ZFPM2: variants seen among roughly 807,000 people sequenced by gnomAD.
ZFPM2 encodes the protein zinc finger protein ZFPM2.
A neutral mutation model predicts 98.6 loss-of-function variants in ZFPM2; 20 were observed. That is an observed-to-expected ratio of 0.20 (90% confidence interval 0.14 to 0.29). The LOEUF (loss-of-function observed/expected upper bound fraction) is 0.29, where lower values mean the gene tolerates loss of function less well. Among genes scored for constraint, ZFPM2 ranks in the 10% least tolerant of loss-of-function variants. The probability of loss-of-function intolerance (pLI) is 1.00; values close to 1 mark genes in which losing one functional copy is unlikely to be tolerated. For synonymous variants in ZFPM2, 518 were observed against 502.7 expected (o/e 1.03, Z -0.41); for missense variants, 1,310 against 1,388.6 (o/e 0.94, Z 0.90).
chr8:105,678,617 A>G (rs1390405391), intron 5 of ZFPM2: 1 of 152,170 alleles, frequency 6.6e-6, no homozygotes, highest in East Asian at 1.9e-4. Context: ...CTGTGTACTA[A>G]GTCTGATAAC....
intron 4 of ZFPM2, among the ~76,000 whole-genome samples, chr8:105,585,835 T>C (rs1282444943): frequency 1.3e-5 from 2 of 152,020 alleles, no homozygotes; most frequent in Non-Finnish European, 2.9e-5. Context: ...AGACTCTGTC[T>C]GTAAAAGAAA....
rs533983186 is a variant in ZFPM2 at position 105,444,283 on chromosome 8, A to G, written c.203A>G (p.Asp68Gly). 2 of 1,609,310 alleles carry G rather than the reference A, an allele frequency of 1.2e-6. No homozygotes were observed. Among genetic ancestry groups the G allele is most frequent in the South Asian group, 2.2e-5 (2 of 89,774 alleles). Residue 68 changes from aspartate to glycine, a missense_variant, in exon 3 of 8, where the codon GAT becomes GGT. Asp to Gly is a moderately conservative substitution (Grantham distance 94, BLOSUM62 -1). Coordinates refer to ENST00000407775, the MANE Select transcript of ZFPM2 (RefSeq NM_012082.4). ...EEVEYFCNKG[D>G]DEGIQETAES... ...TCCTTGTGTTGGTGTTTTCCAGGTGATGATGAAGGAATCCAGGAGACAGCA... is the reference window on the plus strand; with the variant it reads ...TCCTTGTGTTGGTGTTTTCCAGGTGGTGATGAAGGAATCCAGGAGACAGCA...
At chr8:105,659,465 A>G (rs1166424428) in intron 5 of ZFPM2, among the ~76,000 whole-genome samples, 1 of 152,234 alleles carries the variant, frequency 6.6e-6, no homozygotes, top group African/African-American at 2.4e-5. Flanking sequence ...CAAAGCGTCC[A>G]CTGATATTAG....
At chr8:105,640,131 A>G (rs1343633439) in intron 5 of ZFPM2, among the ~76,000 whole-genome samples, 2 of 152,038 alleles carry the variant, frequency 1.3e-5, no homozygotes, top group African/African-American at 2.4e-5. Flanking sequence ...GAATAAATTT[A>G]GGTTTCGATG....
At chr8:105,488,400 A>G (rs1310774175) in intron 3 of ZFPM2, among the ~76,000 whole-genome samples, 1 of 152,158 alleles carries the variant, frequency 6.6e-6, no homozygotes, top group East Asian at 1.9e-4. Flanking sequence ...TAGTGGAAGT[A>G]AATAGTTTCT....
chr8:105,582,335 G>T (rs549610816), intron 4 of ZFPM2, among the ~76,000 whole-genome samples: 1 of 152,248 alleles, frequency 6.6e-6, no homozygotes, highest in Non-Finnish European at 1.5e-5. Context: ...CTTAACTAGG[G>T]CCAGTTTTGT....
chr8:105,610,674 C>T (rs894800040), intron 4 of ZFPM2, among the ~76,000 whole-genome samples: 2 of 152,024 alleles, frequency 1.3e-5, no homozygotes, highest in African/African-American at 2.4e-5. Context: ...GTTTGAAAAG[C>T]ATTTATTTTC....
chr8:105,682,207 C>T (rs1298698274), intron 5 of ZFPM2, among the ~76,000 whole-genome samples: 2 of 152,052 alleles, frequency 1.3e-5, no homozygotes, highest in Non-Finnish European at 2.9e-5. Flanking sequence ...AAACACAAAG[C>T]CAGGAAGGGA....
In ZFPM2 at chr8:105,521,706, T is replaced by C. The variant is rs1814065866; in HGVS notation, c.302-39657T>C. On this transcript the variant is annotated intron_variant, in intron 3 of 7. Coordinates refer to ENST00000407775, the MANE Select transcript of ZFPM2 (RefSeq NM_012082.4). ...GATTCTCCTGCCTCAGCCTCCCGAC[T>C]AGCTGGGATTATAGGCATGTGCCAC... 3.9e-5 allele frequency among the ~76,000 whole-genome samples: 6 copies of C among 152,132 alleles called. No homozygotes were observed. In the South Asian group the frequency reaches 8.3e-4, roughly 21 times the overall value.
intron 1 of ZFPM2, among the ~76,000 whole-genome samples, chr8:105,357,560 A>G (rs2129742103): frequency 6.6e-6 from 1 of 152,310 alleles, no homozygotes; most frequent in Middle Eastern, 3.4e-3. Flanking sequence ...GAATTGGGAG[A>G]CATTATTGAA....
At chr8:105,735,480 G>A (rs1812045493) in intron 5 of ZFPM2, among the ~76,000 whole-genome samples, 1 of 151,754 alleles carries the variant, frequency 6.6e-6, no homozygotes, top group Non-Finnish European at 1.5e-5. Flanking sequence ...AATAGCTACT[G>A]CTTCCCCAAC....
intron 5 of ZFPM2, among the ~76,000 whole-genome samples, chr8:105,728,886 C>T (rs185733856): frequency 2.6e-5 from 4 of 151,716 alleles, no homozygotes; most frequent in East Asian, 2.0e-4. Context: ...CAGCTGTGTT[C>T]GGGGACACTG....
At chr8:105,352,600 T>A (rs75647474) in intron 1 of ZFPM2, among the ~76,000 whole-genome samples, 2 of 151,854 alleles carry the variant, frequency 1.3e-5, no homozygotes, top group African/African-American at 4.8e-5. Context: ...TTTTTTTTTT[T>A]ACCTGTCTTT....
intron 5 of ZFPM2, among the ~76,000 whole-genome samples, chr8:105,696,752 G>A (rs1811027404): frequency 6.6e-6 from 1 of 152,098 alleles, no homozygotes; most frequent in Admixed American, 6.6e-5. Context: ...TTGCTGTACT[G>A]ATAAACTATA....
intron 3 of ZFPM2, among the ~76,000 whole-genome samples, chr8:105,459,936 G>T (rs1346420827): frequency 6.6e-6 from 1 of 152,130 alleles, no homozygotes; most frequent in East Asian, 1.9e-4. Context: ...TTTCTGGAAG[G>T]CAGATAAAGC....
chr8:105,393,373 T>TCTTTCTTTCTTC (rs1811154693), intron 1 of ZFPM2, among the ~76,000 whole-genome samples: 1 of 106,666 alleles, frequency 9.4e-6, no homozygotes, highest in African/African-American at 3.7e-5. Flanking sequence ...TTTCTTTCTT[T>TCTTTCTTTCTTC]CTTTCTTTCT....
intron 3 of ZFPM2, among the ~76,000 whole-genome samples, chr8:105,533,191 G>A (rs955263093): frequency 3.3e-5 from 5 of 152,112 alleles, no homozygotes; most frequent in African/African-American, 1.2e-4. Flanking sequence ...GAGCAAAGTA[G>A]ACTGCAAACA....
intron 1 of ZFPM2, among the ~76,000 whole-genome samples, chr8:105,334,908 A>G (rs1477131326): frequency 6.6e-6 from 1 of 151,744 alleles, no homozygotes; most frequent in African/African-American, 2.4e-5. Context: ...CAGTAGCAGC[A>G]GCAGCAGCAA....
At chr8:105,713,121 A>G (rs1322784960) in intron 5 of ZFPM2, among the ~76,000 whole-genome samples, 1 of 152,116 alleles carries the variant, frequency 6.6e-6, no homozygotes, top group Non-Finnish European at 1.5e-5. Flanking sequence ...ACTGCTTTCT[A>G]TAGTGACTGA....
Sources: allele counts gnomAD v4.1 joint callset (sites outside exome capture counted in the v4.1 genomes callset), GRCh38; gene constraint gnomAD v4.1.1; transcripts MANE v1.5; gene names NCBI Gene and HGNC (gene_info 2026-07-23, HGNC 2026-07-21).